The following ZBTB11 variants were observed in gnomAD, a reference collection of about 807,000 sequenced individuals.
ZBTB11 encodes the protein zinc finger and BTB domain containing 11.
ZBTB11 carries 68 observed loss-of-function variants against 113.1 expected under a neutral mutation model. The observed-to-expected ratio is 0.60, with a 90% CI of 0.49 to 0.74. The LOEUF (loss-of-function observed/expected upper bound fraction) is 0.74, where lower values mean the gene tolerates loss of function less well. ZBTB11 is among the 30% of genes least tolerant of loss of function. The pLI, the probability that ZBTB11 is intolerant of heterozygous loss-of-function variation, is 0.00. For synonymous variants in ZBTB11, 518 were observed against 452.6 expected, an observed-to-expected ratio of 1.14 and a Z score of -1.83; for missense variants, 1,104 against 1,279.4, an observed-to-expected ratio of 0.86 and a Z score of 2.09.
At chr3:101,670,708 C>A (rs542067241) in intron 3 of ZBTB11, 1 of 163,064 alleles carries the variant, frequency 6.1e-6, no homozygotes, top group African/African-American at 2.4e-5. Flanking sequence ...TGACACACCA[C>A]AGCCTGGAAC....
intron 6 of ZBTB11, among the ~76,000 whole-genome samples, chr3:101,657,192 T>C (rs1442122968): frequency 1.3e-5 from 2 of 150,348 alleles, no homozygotes; most frequent in African/African-American, 4.9e-5. Context: ...AAGTGATCCT[T>C]AGGAAGGACT....
chr3:101,667,646 C>A (rs77497659), intron 3 of ZBTB11, among the ~76,000 whole-genome samples: 9,756 of 152,124 alleles, frequency 0.064, 456 homozygotes, highest in Non-Finnish European at 0.096. Flanking sequence ...TCAGCCATTC[C>A]TAGGAAAGCT....
chr3:101,651,349 C>T lies in ZBTB11; in HGVS notation c.2979G>A (p.Met993Ile). ...LETVVVTGET[M>I]EALEAVAATE... is the part of the protein sequence containing the mutation. ...TAGCTGCAACAGCTTCCAGAGCTTC[C>T]ATAGTTTCTCCTGTCACTACCACAG... The change falls in exon 11 of 11, where the codon ATG (methionine) becomes ATA (isoleucine). Residue 993 changes from methionine to isoleucine, a missense_variant. By Grantham distance (10) the Met-to-Ile change is conservative (BLOSUM62 1). This residue lies in a region of ZBTB11 where 90 missense variants were observed against 98.0 expected (regional missense o/e 0.92). Transcript: ENST00000312938. 1 of 1,613,984 alleles carries T rather than the reference C, an allele frequency of 6.2e-7. No individual in the cohort carries two copies. The highest frequency in any genetic ancestry group is 8.5e-7 in the Non-Finnish European group (1 of 1,179,940).
intron 3 of ZBTB11, among the ~76,000 whole-genome samples, chr3:101,667,758 T>C (rs1937020354): frequency 6.6e-6 from 1 of 152,180 alleles, no homozygotes; most frequent in Non-Finnish European, 1.5e-5. Context: ...GCCTCCCATT[T>C]GTTGGTAGAA....
In ZBTB11 at chr3:101,652,709, G is replaced by A. The variant is rs1195447708; in HGVS notation, c.2469-38C>T. 3 of 1,610,944 alleles carry A rather than the reference G, an allele frequency of 1.9e-6. No homozygotes were observed. In the South Asian group the frequency reaches 3.3e-5, roughly 18 times the overall value. On this transcript the variant is annotated intron_variant, in intron 9 of 10. Transcript: ENST00000312938. ...AAAAGACCCAATTATTTTGTCCAAA[G>A]AAGTAGCAGCCATAACAATCAGAGT... is the stretch of plus-strand genomic sequence containing the variant.
intron 1 of ZBTB11, 54 bp from the exon 2 acceptor site, chr3:101,672,267 T>G: frequency 1.6e-6 from 2 of 1,279,354 alleles, no homozygotes; most frequent in Non-Finnish European, 2.2e-6. Context: ...GAAAACAGAA[T>G]ATATTATTTA....
Position 101,664,904 on chromosome 3 carries a change from C to T in ZBTB11, c.1623+60G>A, listed in dbSNP as rs143800582. 1.7e-4 allele frequency: 260 copies of T among 1,542,260 alleles called. 1 individual carries two copies. The East Asian group carries it at 5.7e-3, about 34-fold the overall frequency. ...ATTTTCATTATAGCCATAAGTTCAT[C>T]AATACAATGCTTTCAACCTAAAGCT... On this transcript the variant is annotated intron_variant, in intron 4 of 10. Transcript: ENST00000312938.
chr3:101,654,537 T>C (rs1029208140), intron 8 of ZBTB11, among the ~76,000 whole-genome samples, 167 bp downstream of exon 8: 1 of 152,062 alleles, frequency 6.6e-6, no homozygotes, highest in Non-Finnish European at 1.5e-5. Flanking sequence ...GGTAAATGAT[T>C]TACATCTCGA....
At chr3:101,663,847 G>A (rs780508836) in intron 5 of ZBTB11, among the ~76,000 whole-genome samples, 2 of 152,054 alleles carry the variant, frequency 1.3e-5, no homozygotes, top group African/African-American at 2.4e-5. Context: ...CCAAGATTGC[G>A]CCACTGCACT....
At chr3:101,659,557 G>T (rs1481738973) in intron 6 of ZBTB11, among the ~76,000 whole-genome samples, 1 of 152,124 alleles carries the variant, frequency 6.6e-6, no homozygotes. Context: ...CTGGACCCTA[G>T]TAAGTTTTCA....
intron 3 of ZBTB11, among the ~76,000 whole-genome samples, chr3:101,669,833 T>A (rs1423842430): frequency 6.6e-6 from 1 of 150,792 alleles, no homozygotes; most frequent in South Asian, 2.1e-4. Context: ...ATTAGTGCTT[T>A]TTTTTTTTTT....
intron 1 of ZBTB11, among the ~76,000 whole-genome samples, chr3:101,675,837 GA>G (rs1420206442): frequency 2.0e-5 from 3 of 152,216 alleles, no homozygotes; most frequent in Non-Finnish European, 4.4e-5. Context: ...GCTCATGCCT[GA>G]AATCCCAACA....
At position 101,651,035 on chromosome 3, in the gene ZBTB11, C is replaced by T. The variant is rs1187088606; in HGVS notation, c.*131G>A. The T allele has an allele frequency of 3.6e-5, 39 of 1,076,742 alleles. No homozygotes were observed. The highest frequency in any genetic ancestry group is 2.3e-4 in the Admixed American group (8 of 34,778). The allele number at this position is 1,076,742 out of a possible 1,614,324, so 66.7% of individuals were successfully genotyped here. A position where few individuals can be genotyped will look rare whatever the true frequency, so the allele number is the denominator to read the frequency against. ...ATTGGCCAGACAAAATGTTTGGAAACGTTACGTTACCAAACAGCCCAGAAC... is the reference window on the plus strand; with the variant it reads ...ATTGGCCAGACAAAATGTTTGGAAATGTTACGTTACCAAACAGCCCAGAAC... On this transcript the variant is annotated 3_prime_UTR_variant, in exon 11 of 11. Transcript: ENST00000312938.
Position 101,671,600 on chromosome 3 carries a change from A to G in ZBTB11, c.547-239T>C, listed in dbSNP as rs1449516662. The G allele has an allele frequency of 8.6e-6, 5 of 582,166 alleles. No homozygotes were observed. The Admixed American group carries it at 1.6e-4, about 19-fold the overall frequency. The allele number at this position is 582,166 out of a possible 1,614,324, so 36.1% of individuals were successfully genotyped here. ...CACTTCTGGCTGCCTCTTCTTACTA[A>G]TCAGAAATATGATGATGTATGAAAC... On this transcript the variant is annotated intron_variant, in intron 2 of 10. Transcript: ENST00000312938.
intron 7 of ZBTB11, chr3:101,655,881 CA>C (rs1936787389): frequency 4.7e-6 from 1 of 213,874 alleles, no homozygotes; most frequent in Non-Finnish European, 9.3e-6. Context: ...AGGATGGTCT[CA>C]ATCTCCTGAC....
chr3:101,672,363 T>G (rs1404506078), intron 1 of ZBTB11, 150 bp from the exon 2 acceptor site: 5 of 576,862 alleles, frequency 8.7e-6, no homozygotes, highest in Non-Finnish European at 1.5e-5. Context: ...ATGTAAAATA[T>G]ACTTTTTTCC....
intron 3 of ZBTB11, among the ~76,000 whole-genome samples, chr3:101,667,802 T>C (rs1317077835): frequency 6.6e-6 from 1 of 152,096 alleles, no homozygotes; most frequent in Non-Finnish European, 1.5e-5. Flanking sequence ...AAAAACACTA[T>C]AGAAGTGCCT....
chr3:101,674,036 T>TTA (rs1339105455), intron 1 of ZBTB11, among the ~76,000 whole-genome samples: 3 of 150,150 alleles, frequency 2.0e-5, no homozygotes, highest in African/African-American at 7.3e-5. Flanking sequence ...CAGAGACTGT[T>TTA]TTTTTTTTTT....
intron 8 of ZBTB11, 68 bp downstream of exon 8, chr3:101,654,636 A>G (rs34508490): frequency 0.13 from 179,314 of 1,334,646 alleles, 12,840 homozygotes; most frequent in South Asian, 0.23. Flanking sequence ...TTATCTTCAA[A>G]TATTTTTTTG....
Sources: allele counts gnomAD v4.1 joint callset (sites outside exome capture counted in the v4.1 genomes callset), GRCh38; gene constraint gnomAD v4.1.1; regional missense constraint gnomAD v4.1.1; transcripts MANE v1.5; gene names NCBI Gene and HGNC (gene_info 2026-07-23, HGNC 2026-07-21).